The following FAF1 variants were observed in gnomAD, a reference collection of about 807,000 sequenced individuals.
FAF1 encodes Fas associated factor 1, also known as FAS-associated factor 1.
A neutral mutation model predicts 92.5 loss-of-function variants in FAF1; 25 were observed. That is an observed-to-expected ratio of 0.27 (90% CI 0.20 to 0.38). The LOEUF (loss-of-function observed/expected upper bound fraction) is 0.38, where lower values mean the gene tolerates loss of function less well. Among genes scored for constraint, FAF1 ranks in the 10% least tolerant of loss-of-function variants. The pLI is 1.00. For missense variants in FAF1, 636 were observed against 793.3 expected (o/e 0.80, Z 2.38); for synonymous variants, 234 against 273.2 (o/e 0.86, Z 1.42).
rs571827755 is a variant in FAF1 at position 50,782,539 on chromosome 1, A to T, written c.367+5461T>A. Among the ~76,000 whole-genome samples the T allele has an allele frequency of 7.9e-5, 12 of 151,950 alleles. No homozygotes were observed. The South Asian group carries it at 2.5e-3, about 31-fold the overall frequency. On this transcript the variant is annotated intron_variant, in intron 4 of 18. Transcript: ENST00000396153. The stretch of plus-strand genomic sequence containing the variant: ...CAAGGTGTTATAAAAATGTCAAAAA[A>T]TTTTTTATTTTTATTTTTTAAAGTA...
rs918427250 is a variant in FAF1 at position 50,612,954 on chromosome 1, A to G, written c.745-16738T>C. Reference sequence around the variant, plus strand: ...CTTTCATTGTATCTGTGTTTAGGTGACTCTAAGGTCCTTGAAGACACAGCC... The same window carrying G: ...CTTTCATTGTATCTGTGTTTAGGTGGCTCTAAGGTCCTTGAAGACACAGCC... On this transcript the variant is annotated intron_variant, in intron 8 of 18. Transcript: ENST00000396153. Among the ~76,000 whole-genome samples the G allele has an allele frequency of 3.9e-5, 6 of 152,178 alleles. No homozygotes were observed. In the East Asian group the frequency reaches 1.2e-3, roughly 29 times the overall value.
chr1:50,929,720 TG>T (rs1401152498), intron 1 of FAF1, among the ~76,000 whole-genome samples: 1 of 152,176 alleles, frequency 6.6e-6, no homozygotes, highest in Non-Finnish European at 1.5e-5. Context: ...GGAAATATAG[TG>T]GGAAAAAGAT....
intron 18 of FAF1, among the ~76,000 whole-genome samples, chr1:50,443,498 A>T (rs1646192935): frequency 6.6e-6 from 1 of 152,232 alleles, no homozygotes; most frequent in South Asian, 2.1e-4. Flanking sequence ...ATTGAAGCTC[A>T]AAGTGGTTAC....
intron 6 of FAF1, among the ~76,000 whole-genome samples, chr1:50,737,350 G>C (rs187783857): frequency 6.6e-6 from 1 of 152,048 alleles, no homozygotes; most frequent in Admixed American, 6.6e-5. Context: ...ATTTAATCAC[G>C]CTACTGGAAA....
intron 15 of FAF1, among the ~76,000 whole-genome samples, chr1:50,521,912 G>A (rs764967434): frequency 4.6e-5 from 7 of 152,186 alleles, no homozygotes; most frequent in South Asian, 2.1e-4. Flanking sequence ...GAATTGTAAC[G>A]CCAATGTTGA....
At chr1:50,629,161 C>G (rs895474068) in intron 8 of FAF1, among the ~76,000 whole-genome samples, 1 of 110,728 alleles carries the variant, frequency 9.0e-6, no homozygotes, top group Non-Finnish European at 1.8e-5. Context: ...CAGATAGATG[C>G]TTTTTTTTTT....
intron 2 of FAF1, among the ~76,000 whole-genome samples, chr1:50,834,880 C>T (rs932928436): frequency 7.9e-5 from 12 of 151,992 alleles, no homozygotes; most frequent in Admixed American, 1.3e-4. Flanking sequence ...TGTATGCACA[C>T]GGCAAAGAAA....
intron 2 of FAF1, among the ~76,000 whole-genome samples, chr1:50,823,846 A>G (rs1230828116): frequency 1.3e-5 from 2 of 152,178 alleles, no homozygotes; most frequent in Non-Finnish European, 2.9e-5. Context: ...AGATCCCAAT[A>G]TAAATAGTCC....
intron 13 of FAF1, among the ~76,000 whole-genome samples, chr1:50,552,471 A>T (rs1337780458): frequency 6.6e-6 from 1 of 152,206 alleles, no homozygotes; most frequent in African/African-American, 2.4e-5. Flanking sequence ...ACAAATAATT[A>T]TTTAGCATTT....
chr1:50,647,399 C>CT (rs1477215376), intron 8 of FAF1, among the ~76,000 whole-genome samples: 14 of 152,106 alleles, frequency 9.2e-5, no homozygotes, highest in Non-Finnish European at 1.9e-4. Context: ...CGTCACTTTC[C>CT]TTTTTTTGTC....
intron 1 of FAF1, among the ~76,000 whole-genome samples, chr1:50,881,159 A>C (rs951328612): frequency 6.6e-6 from 1 of 152,168 alleles, no homozygotes; most frequent in Admixed American, 6.5e-5. Flanking sequence ...ATTTTGCTAA[A>C]ACTTAAAAGT....
At chr1:50,838,985 A>G (rs1570033216) in intron 2 of FAF1, among the ~76,000 whole-genome samples, 1 of 152,142 alleles carries the variant, frequency 6.6e-6, no homozygotes, top group East Asian at 1.9e-4. Flanking sequence ...CACAAGGGGG[A>G]AAATATCCAA....
intron 8 of FAF1, among the ~76,000 whole-genome samples, chr1:50,606,292 AAATAT>A (rs1652393635): frequency 6.6e-6 from 1 of 152,108 alleles, no homozygotes; most frequent in Admixed American, 6.5e-5. Context: ...TATAACAACC[AAATAT>A]ATTATTCAGT....
intron 4 of FAF1, among the ~76,000 whole-genome samples, chr1:50,760,929 A>T (rs1660299822): frequency 2.0e-5 from 3 of 152,152 alleles, no homozygotes; most frequent in Admixed American, 2.0e-4. Context: ...AACAAAATTG[A>T]TAGACCGCTA....
At chr1:50,696,917 T>C (rs1657259781) in intron 7 of FAF1, among the ~76,000 whole-genome samples, 1 of 152,204 alleles carries the variant, frequency 6.6e-6, no homozygotes, top group African/African-American at 2.4e-5. Flanking sequence ...AGCAAATTGT[T>C]TGGCTAAATC....
At chr1:50,813,983 T>A (rs1232351669) in intron 2 of FAF1, among the ~76,000 whole-genome samples, 1 of 152,138 alleles carries the variant, frequency 6.6e-6, no homozygotes, top group Non-Finnish European at 1.5e-5. Context: ...ATATATACTA[T>A]GTTTTTTACC....
chr1:50,837,479 TGG>T (rs1644218809), intron 2 of FAF1, among the ~76,000 whole-genome samples: 1 of 152,210 alleles, frequency 6.6e-6, no homozygotes, highest in East Asian at 1.9e-4. Flanking sequence ...TAAATATTTT[TGG>T]CAAGAATACT....
In FAF1 at chr1:50,862,918, C is replaced by A. The variant is rs77026666; in HGVS notation, c.46-4921G>T. ...TCTAGGAAATGAGATGATGGCAACA[C>A]AGTAATAGCAGGAGACTTCAATATT... On this transcript the variant is annotated intron_variant, in intron 1 of 18. Coordinates refer to ENST00000396153, the MANE Select transcript of FAF1 (RefSeq NM_007051.3). Among the ~76,000 whole-genome samples, 1,172 of 151,946 alleles carry A rather than the reference C, an allele frequency of 7.7e-3. 13 individuals carry two copies. The highest frequency in any genetic ancestry group is 0.027 in the African/African-American group (1,132 of 41,486).
At chr1:50,695,926 G>C (rs1657186989) in intron 7 of FAF1, among the ~76,000 whole-genome samples, 1 of 150,718 alleles carries the variant, frequency 6.6e-6, no homozygotes, top group East Asian at 1.9e-4. Context: ...TGGGATTACA[G>C]GCGTGAGTCA....
Sources: allele counts gnomAD v4.1 joint callset (sites outside exome capture counted in the v4.1 genomes callset), GRCh38; gene constraint gnomAD v4.1.1; transcripts MANE v1.5; gene names NCBI Gene and HGNC (gene_info 2026-07-23, HGNC 2026-07-21).